Variants in BLNK observed in about 807,000 individuals in gnomAD.
BLNK encodes the protein B-cell linker protein.
BLNK carries 29 observed loss-of-function variants against 73.5 expected under a neutral mutation model. The observed-to-expected ratio is 0.39, with a 90% CI of 0.29 to 0.54. BLNK has a LOEUF of 0.54. Ranked by LOEUF, BLNK falls within the 20% of genes least tolerant of loss-of-function variation. The probability of loss-of-function intolerance (pLI) is 0.61; values close to 1 mark genes in which losing one functional copy is unlikely to be tolerated. For missense variants in BLNK, 460 were observed against 562.8 expected, an observed-to-expected ratio of 0.82 and a Z score of 1.85; for synonymous variants, 176 against 200.8, an observed-to-expected ratio of 0.88 and a Z score of 1.04.
chr10:96,222,635 C>A (rs2084224599), intron 6 of BLNK, among the ~76,000 whole-genome samples: 1 of 152,098 alleles, frequency 6.6e-6, no homozygotes, highest in African/African-American at 2.4e-5. Flanking sequence ...TGGGGCAGGG[C>A]AGCTGTGGGG....
chr10:96,249,224 G>C (rs1554908462), intron 1 of BLNK, among the ~76,000 whole-genome samples: 1 of 152,222 alleles, frequency 6.6e-6, no homozygotes, highest in African/African-American at 2.4e-5. Context: ...CTAGGCCTTG[G>C]GTTAGGTAAT....
rs1237882955 is a variant in BLNK, at chr10:96,220,913, G to A, written c.525+2913C>T. ...TACAGATTTGAAAAATAGGAGTAGC[G>A]TGAATTTATCTTATTTTCACTTTCC... On this transcript the variant is annotated intron_variant, in intron 6 of 16. Coordinates refer to ENST00000224337, the MANE Select transcript of BLNK (RefSeq NM_013314.4). Among the ~76,000 whole-genome samples, 14 of 152,136 alleles carry A rather than the reference G, an allele frequency of 9.2e-5. No individual in the cohort carries two copies. The South Asian group carries it at 1.0e-3, about 11-fold the overall frequency.
chr10:96,214,421 G>A lies in BLNK; in HGVS notation c.676+900C>T, dbSNP rs587619066. 3.3e-5 allele frequency among the ~76,000 whole-genome samples: 5 copies of A among 152,272 alleles called. No homozygotes were observed. The South Asian group carries it at 6.2e-4, about 19-fold the overall frequency. On this transcript the variant is annotated intron_variant, in intron 8 of 16. Transcript: ENST00000224337. ...CTGGTAACATCTGGAGGAGTTCAGCGGCTCAGTCCTTGTCGCTGAGGAGAG... is the reference window on the plus strand; with the variant it reads ...CTGGTAACATCTGGAGGAGTTCAGCAGCTCAGTCCTTGTCGCTGAGGAGAG...
At chr10:96,251,917 T>A (rs1843300938) in intron 1 of BLNK, among the ~76,000 whole-genome samples, 1 of 152,160 alleles carries the variant, frequency 6.6e-6, no homozygotes, top group Non-Finnish European at 1.5e-5. Flanking sequence ...TTTCTTCCCT[T>A]TAAAGTGCCT....
At chr10:96,225,635 GA>G (rs1385042499) in intron 5 of BLNK, among the ~76,000 whole-genome samples, 1 of 150,436 alleles carries the variant, frequency 6.6e-6, no homozygotes, top group Non-Finnish European at 1.5e-5. Context: ...AGGCTTTGAA[GA>G]GTGTGATTTT....
intron 5 of BLNK, among the ~76,000 whole-genome samples, chr10:96,224,955 C>T (rs1000242119): frequency 1.3e-5 from 2 of 152,138 alleles, no homozygotes; most frequent in South Asian, 4.1e-4. Context: ...ACCTCAGCCT[C>T]CTGAAGTGTT....
intron 1 of BLNK, among the ~76,000 whole-genome samples, chr10:96,254,669 C>A (rs1475304147): frequency 6.6e-6 from 1 of 152,164 alleles, no homozygotes; most frequent in African/African-American, 2.4e-5. Context: ...TGCCACCACG[C>A]CTGGCTAACT....
In BLNK at chr10:96,230,775, C is replaced by G. The variant is rs1199978286; in HGVS notation, c.204+19G>C. 6.2e-7 allele frequency: 1 copy of G among 1,605,208 alleles called. No individual in the cohort carries two copies. On this transcript the variant is annotated intron_variant, in intron 4 of 16. Transcript: ENST00000224337. ...CATGGGACCCTGATGCCCTCCTGGT[C>G]CCAGGAGCAAATACTTACAAAGTCA...
At chr10:96,212,748 G>T (rs2083978044) in intron 8 of BLNK, among the ~76,000 whole-genome samples, 1 of 152,220 alleles carries the variant, frequency 6.6e-6, no homozygotes, top group African/African-American at 2.4e-5. Context: ...GGACACTTTT[G>T]TGATGCCCAC....
chr10:96,210,315 G>A, intron 8 of BLNK: 1 of 246,580 alleles, frequency 4.1e-6, no homozygotes, highest in South Asian at 5.8e-5. Flanking sequence ...CACGGCAGAG[G>A]TGCCCAGAGA....
At chr10:96,251,012 A>G (rs782317705) in intron 1 of BLNK, among the ~76,000 whole-genome samples, 39 of 152,220 alleles carry the variant, frequency 2.6e-4, no homozygotes, top group Non-Finnish European at 5.1e-4. Context: ...TCAAACATTT[A>G]TCATTTCTTT....
rs368443308 is a variant in BLNK, at chr10:96,231,399, C to T, written c.164-565G>A. ...CCAGGCAATATTATCAGAGCTTTGC[C>T]GTCTTTTAGCCCTCTCAAAGACGCT... On this transcript the variant is annotated intron_variant, in intron 3 of 16. Coordinates refer to ENST00000224337, the MANE Select transcript of BLNK (RefSeq NM_013314.4). 7.9e-5 allele frequency among the ~76,000 whole-genome samples: 12 copies of T among 152,218 alleles called. No individual in the cohort carries two copies. In the East Asian group the frequency reaches 1.4e-3, roughly 17 times the overall value.
intron 12 of BLNK, 176 bp downstream of exon 12, chr10:96,204,356 A>C: frequency 1.3e-6 from 1 of 785,288 alleles, no homozygotes; most frequent in Non-Finnish European, 2.1e-6. Context: ...GGTCTCTGCA[A>C]CTCTACACAG....
Position 96,189,592 on chromosome 10 carries a change from A to G in BLNK, c.*2381T>C. 1 of 688,948 alleles carries G rather than the reference A, an allele frequency of 1.5e-6. No individual in the cohort carries two copies. 42.7% of individuals were successfully genotyped at this position (688,948 alleles called of 1,614,324 possible). On this transcript the variant is annotated 3_prime_UTR_variant, in exon 17 of 17. Coordinates refer to ENST00000224337, the MANE Select transcript of BLNK (RefSeq NM_013314.4). The stretch of plus-strand genomic sequence containing the variant: ...TCTTGTCCTTTTAATCTTGGTGTTG[A>G]TGATGGGTTTGAGTGTTTTCTATTC...
At chr10:96,228,086 CTTTTTTTTCT>C (rs797041214) in intron 4 of BLNK, among the ~76,000 whole-genome samples, 487 of 19,252 alleles carry the variant, frequency 0.025, 3 homozygotes, top group African/African-American at 0.039. Flanking sequence ...GGTTTGCTCT[CTTTTTTTTCT>C]TTTTTTTTTT....
intron 3 of BLNK, among the ~76,000 whole-genome samples, chr10:96,240,759 C>T (rs1842858368): frequency 1.3e-5 from 2 of 152,166 alleles, no homozygotes; most frequent in South Asian, 2.1e-4. Flanking sequence ...GGGGTTAAGC[C>T]CTGGATCAGA....
intron 3 of BLNK, among the ~76,000 whole-genome samples, chr10:96,232,701 G>C (rs1182104781): frequency 2.6e-5 from 4 of 152,218 alleles, no homozygotes; most frequent in African/African-American, 4.8e-5. Context: ...CTGAATTAGA[G>C]TGTACTGCAA....
chr10:96,204,608 T>C lies in BLNK; in HGVS notation c.826A>G (p.Ile276Val), dbSNP rs782571947. 6 of 1,613,862 alleles carry C rather than the reference T, an allele frequency of 3.7e-6. No individual in the cohort carries two copies. The highest frequency in any genetic ancestry group is 2.2e-5 in the East Asian group (1 of 44,890). Residue 276 changes from isoleucine to valine, a missense_variant, in exon 12 of 17, where the codon ATA (isoleucine) becomes GTA (valine). This residue lies in a region of BLNK where 233 missense variants were observed against 232.1 expected (regional missense o/e 1.00). Transcript: ENST00000224337. ...GACCCTCGGTGGCGTTCAGCAGGTATAGGTTTTTCTGGATCAGGAAAATTA... is the reference window on the plus strand; with the variant it reads ...GACCCTCGGTGGCGTTCAGCAGGTACAGGTTTTTCTGGATCAGGAAAATTA... ...NASSVCEEKP[I>V]PAERHRGSSH...
Position 96,207,918 on chromosome 10 carries a change from T to A in BLNK, c.747-19A>T. On this transcript the variant is annotated intron_variant, in intron 9 of 16. Transcript: ENST00000224337. ...TTTTTTCCTGGGGAATAAAAAGAGA[T>A]GAGCTTTGTTAAAACACAACGAAGA... 6.2e-7 allele frequency: 1 copy of A among 1,613,602 alleles called. No individual in the cohort carries two copies. Among genetic ancestry groups the A allele is most frequent in the Non-Finnish European group, 8.5e-7 (1 of 1,179,538 alleles).
Sources: gnomAD v4.1 joint callset for allele counts (sites outside exome capture counted in the v4.1 genomes callset) on GRCh38, gnomAD v4.1.1 for gene constraint, gnomAD v4.1.1 regional missense constraint, MANE v1.5 for transcripts, NCBI Gene and HGNC (gene_info 2026-07-23, HGNC 2026-07-21) for gene names.